MICAL3: variants seen among roughly 807,000 people sequenced by gnomAD.
MICAL3 encodes the protein microtubule associated monooxygenase, calponin and LIM domain containing 3, also known as [F-actin]-monooxygenase MICAL3.
MICAL3 carries 62 observed loss-of-function variants against 207.4 expected under a neutral mutation model. The ratio of observed to expected loss-of-function variants is 0.30; its 90% confidence interval spans 0.24 to 0.37. The LOEUF is 0.37. Ranked by LOEUF, MICAL3 falls within the 10% of genes least tolerant of loss-of-function variation. The pLI, the probability that MICAL3 is intolerant of heterozygous loss-of-function variation, is 1.00. For missense variants in MICAL3, 2,368 were observed against 2,635.6 expected (o/e 0.90, Z 2.22); for synonymous variants, 1,077 against 1,069.3 (o/e 1.01, Z -0.14).
chr22:17,838,946 C>A (rs1249895196), intron 20 of MICAL3, among the ~76,000 whole-genome samples: 2 of 150,714 alleles, frequency 1.3e-5, no homozygotes, highest in African/African-American at 4.9e-5. Flanking sequence ...TAGCTCCTTC[C>A]CCTAGATGCT....
intron 29 of MICAL3, among the ~76,000 whole-genome samples, chr22:17,795,689 G>A (rs1026311233): frequency 5.3e-5 from 8 of 152,254 alleles, no homozygotes; most frequent in East Asian, 1.9e-4. Flanking sequence ...GCAGAAGCGC[G>A]TGTGAGCGGC....
intron 18 of MICAL3, 26 bp from the exon 19 acceptor site, chr22:17,865,012 G>A (rs1344159578): frequency 6.3e-7 from 1 of 1,587,410 alleles, no homozygotes; most frequent in South Asian, 1.1e-5. Context: ...AGAAAAAGAA[G>A]AGTGACTCTG....
intron 29 of MICAL3, among the ~76,000 whole-genome samples, chr22:17,803,254 G>A (rs1337553392): frequency 6.6e-6 from 1 of 152,136 alleles, no homozygotes; most frequent in African/African-American, 2.4e-5. Flanking sequence ...AGCAAGGAGG[G>A]AGGGACGTTG....
intron 1 of MICAL3, among the ~76,000 whole-genome samples, chr22:17,989,751 T>C (rs1255511562): frequency 1.3e-5 from 2 of 152,214 alleles, no homozygotes; most frequent in African/African-American, 4.8e-5. Flanking sequence ...TGTCTCTGGG[T>C]CCTCATCTGT....
chr22:17,989,272 T>C (rs1407500214), intron 1 of MICAL3, among the ~76,000 whole-genome samples: 1 of 152,156 alleles, frequency 6.6e-6, no homozygotes, highest in Non-Finnish European at 1.5e-5. Context: ...CTACCTTACC[T>C]TGCCCTTGCA....
intron 25 of MICAL3, among the ~76,000 whole-genome samples, chr22:17,819,331 C>T (rs76353569): frequency 0.019 from 2,967 of 152,236 alleles, 48 homozygotes; most frequent in African/African-American, 0.036. Flanking sequence ...ACCTTAGAAC[C>T]ACTCTGCTTA....
chr22:17,881,609 G>A (rs576581553), intron 16 of MICAL3, among the ~76,000 whole-genome samples: 64 of 152,304 alleles, frequency 4.2e-4, no homozygotes, highest in African/African-American at 1.5e-3. Context: ...TAGGCTTGCT[G>A]ATGAGTAGAG....
rs112405971 is a variant in MICAL3 at position 17,872,769 on chromosome 22, G to C, written c.2242-746C>G. 62 of 1,612,830 alleles carry C rather than the reference G, an allele frequency of 3.8e-5. No individual in the cohort carries two copies. The African/African-American group carries it at 5.3e-4, about 14-fold the overall frequency. On this transcript the variant is annotated intron_variant, in intron 16 of 31. Coordinates refer to ENST00000441493, the MANE Select transcript of MICAL3 (RefSeq NM_015241.3). Reference sequence around the variant, plus strand: ...TACCAGTTCCTTCTTGTCTAGAAGGGCTTTGGGTTGTTCTTTCCTTTGAAG... The same window carrying C: ...TACCAGTTCCTTCTTGTCTAGAAGGCCTTTGGGTTGTTCTTTCCTTTGAAG...
At chr22:17,883,672 T>C (rs1009710516) in intron 16 of MICAL3, among the ~76,000 whole-genome samples, 2 of 152,210 alleles carry the variant, frequency 1.3e-5, no homozygotes, top group African/African-American at 4.8e-5. Context: ...ACCTGCCCTA[T>C]TCTGTACTAC....
intron 1 of MICAL3, among the ~76,000 whole-genome samples, chr22:17,937,434 T>C (rs1933590102): frequency 1.3e-5 from 2 of 152,120 alleles, no homozygotes; most frequent in South Asian, 4.1e-4. Context: ...GAGGCCAAGG[T>C]GGGCAGATCA....
At chr22:17,857,349 T>A (rs373966928) in intron 19 of MICAL3, among the ~76,000 whole-genome samples, 1 of 152,194 alleles carries the variant, frequency 6.6e-6, no homozygotes, top group South Asian at 2.1e-4. Context: ...CCACGCCGCA[T>A]GCTCCTTATG....
chr22:17,949,543 T>A (rs977783671), intron 1 of MICAL3, among the ~76,000 whole-genome samples: 1 of 152,218 alleles, frequency 6.6e-6, no homozygotes, highest in African/African-American at 2.4e-5. Flanking sequence ...GATTCAAATG[T>A]ATTAACTATG....
chr22:17,799,498 G>C (rs2061914203), intron 29 of MICAL3, among the ~76,000 whole-genome samples: 1 of 152,252 alleles, frequency 6.6e-6, no homozygotes, highest in Non-Finnish European at 1.5e-5. Context: ...ATGCAGCCTG[G>C]GAAGTGTGAG....
chr22:17,838,809 C>T (rs1392168290), intron 20 of MICAL3, among the ~76,000 whole-genome samples: 2 of 152,126 alleles, frequency 1.3e-5, no homozygotes, highest in Non-Finnish European at 2.9e-5. Context: ...AACATCTCAG[C>T]AAGGAAGGAC....
chr22:17,797,833 G>A (rs777118367), intron 29 of MICAL3, among the ~76,000 whole-genome samples: 36 of 152,260 alleles, frequency 2.4e-4, no homozygotes, highest in Non-Finnish European at 4.0e-4. Flanking sequence ...GCAGAGGTGG[G>A]CACAGCCACA....
At chr22:17,987,564 C>T (rs575088123) in intron 1 of MICAL3, among the ~76,000 whole-genome samples, 3 of 152,206 alleles carry the variant, frequency 2.0e-5, no homozygotes, top group Admixed American at 6.5e-5. Flanking sequence ...GGTGCAGAGA[C>T]GGGCAGGTAC....
chr22:17,981,660 A>G (rs1322945168), intron 1 of MICAL3, among the ~76,000 whole-genome samples: 5 of 152,226 alleles, frequency 3.3e-5, no homozygotes, highest in Non-Finnish European at 5.9e-5. Flanking sequence ...ACAGTTGGGA[A>G]CAGATGCGCA....
intron 29 of MICAL3, among the ~76,000 whole-genome samples, chr22:17,808,005 A>C (rs1601940511): frequency 6.6e-6 from 1 of 152,370 alleles, no homozygotes; most frequent in East Asian, 1.9e-4. Context: ...ATGTTTGAGA[A>C]GGCAGAGTGG....
Position 17,808,863 on chromosome 22 carries a change from C to G in MICAL3, c.5631G>C (p.Lys1877Asn). 6.4e-7 allele frequency: 1 copy of G among 1,553,128 alleles called. No homozygotes were observed. Among genetic ancestry groups the G allele is most frequent in the Non-Finnish European group, 8.7e-7 (1 of 1,148,072 alleles). ...RLEERGVAVE[K>N]ALRGEAGMGK... ...CAGTACCTGCTTCGCCCCGGAGCGC[C>G]TTCTCCACAGCCACGCCCCTTTCCT... Residue 1877 changes from lysine (K) to asparagine (N), a missense_variant, in exon 29 of 32, where the codon AAG (lysine) becomes AAC (asparagine). Coordinates refer to ENST00000441493, the MANE Select transcript of MICAL3 (RefSeq NM_015241.3).
Sources: allele counts gnomAD v4.1 joint callset (sites outside exome capture counted in the v4.1 genomes callset), GRCh38; gene constraint gnomAD v4.1.1; transcripts MANE v1.5; gene names NCBI Gene and HGNC (gene_info 2026-07-23, HGNC 2026-07-21).